The following GNG7 variants were observed in gnomAD, a reference collection of about 807,000 sequenced individuals.
GNG7 encodes G protein subunit gamma 7.
GNG7 carries 1 observed loss-of-function variant against 4.0 expected under a neutral mutation model. That is an observed-to-expected ratio of 0.25 (90% confidence interval 0.09 to 1.18). The LOEUF is 1.18. Ranked by LOEUF, GNG7 falls within the 50% of genes most tolerant of loss-of-function variation. The pLI is 0.50. For missense variants in GNG7, 86 were observed against 91.9 expected (o/e 0.94, Z 0.26); for synonymous variants, 34 against 36.9 (o/e 0.92, Z 0.29).
At chr19:2,608,971 A>T (rs752834160) in intron 2 of GNG7, among the ~76,000 whole-genome samples, 15 of 152,166 alleles carry the variant, frequency 9.9e-5, no homozygotes, top group Non-Finnish European at 1.9e-4. Flanking sequence ...ACACATTCAC[A>T]ACGTTGTACA....
chr19:2,543,742 C>T (rs1391096818), intron 3 of GNG7, among the ~76,000 whole-genome samples: 1 of 152,194 alleles, frequency 6.6e-6, no homozygotes. Context: ...CAGGCAGCTC[C>T]ACAATGAGGC....
chr19:2,605,947 C>G (rs1363375298), intron 2 of GNG7, among the ~76,000 whole-genome samples: 1 of 152,196 alleles, frequency 6.6e-6, no homozygotes, highest in African/African-American at 2.4e-5. Context: ...TTCACAGGTT[C>G]CAGACATTTA....
In GNG7 at chr19:2,696,424, GGAAA is replaced by G. The variant is rs371764443; in HGVS notation, c.-135+6218_-135+6221del. Among the ~76,000 whole-genome samples, 271 of 146,682 alleles carry G rather than the reference GGAAA, an allele frequency of 1.8e-3. 3 individuals carry two copies. The highest frequency in any genetic ancestry group is 4.8e-3 in the African/African-American group (185 of 38,826). On this transcript the variant is annotated intron_variant, in intron 1 of 4. Coordinates refer to ENST00000382159, the MANE Select transcript of GNG7 (RefSeq NM_052847.3). Reference sequence around the variant, plus strand: ...GACGAAGGAAGAAGGAAGGAAGGAAGGAAAGAAAGAAAGAAAGAGAAAGAAAGAA... The same window carrying G: ...GACGAAGGAAGAAGGAAGGAAGGAAGGAAAGAAAGAAAGAGAAAGAAAGAA...
chr19:2,686,517 C>T (rs1429177944), intron 1 of GNG7, among the ~76,000 whole-genome samples: 1 of 152,132 alleles, frequency 6.6e-6, no homozygotes, highest in Non-Finnish European at 1.5e-5. Context: ...CACCCCGGCC[C>T]GGTGCCTGCT....
chr19:2,700,390 G>A (rs1232942007), intron 1 of GNG7, among the ~76,000 whole-genome samples: 2 of 152,132 alleles, frequency 1.3e-5, no homozygotes, highest in African/African-American at 4.8e-5. Context: ...TGATCCACCC[G>A]CCTCGGCCTC....
chr19:2,523,353 G>A (rs1978319846), intron 3 of GNG7, among the ~76,000 whole-genome samples: 1 of 151,628 alleles, frequency 6.6e-6, no homozygotes, highest in Non-Finnish European at 1.5e-5. Flanking sequence ...GGAGTTTGAG[G>A]CCAGCCTAGG....
rs191314345 is a variant in GNG7 at position 2,640,524 on chromosome 19, G to A, written c.-78+5700C>T. On this transcript the variant is annotated intron_variant, in intron 2 of 4. Transcript: ENST00000382159. ...AAATCTACAGGTGAATGTAATTCACGAAAATCCCAGCACAGGCTTGGCAAG... is the reference window on the plus strand; with the variant it reads ...AAATCTACAGGTGAATGTAATTCACAAAAATCCCAGCACAGGCTTGGCAAG... 6.6e-5 allele frequency among the ~76,000 whole-genome samples: 10 copies of A among 152,290 alleles called. No individual in the cohort carries two copies. The East Asian group carries it at 1.9e-3, about 29-fold the overall frequency.
chr19:2,633,885 C>T lies in GNG7; in HGVS notation c.-78+12339G>A, dbSNP rs1295968074. 6.6e-6 allele frequency among the ~76,000 whole-genome samples: 1 copy of T among 151,166 alleles called. No homozygotes were observed. On this transcript the variant is annotated intron_variant, in intron 2 of 4. Coordinates refer to ENST00000382159, the MANE Select transcript of GNG7 (RefSeq NM_052847.3). The surrounding 1 kb of genome is among the most constrained non-coding windows in gnomAD (Gnocchi z 5.9). ...CCGGGCACTGCAGGGTGCTGAGTGG[C>T]ACCCCTGACCTCCACCCCATGGCAT... is the stretch of plus-strand genomic sequence containing the variant.
At chr19:2,524,760 C>A (rs575643362) in intron 3 of GNG7, among the ~76,000 whole-genome samples, 1 of 152,192 alleles carries the variant, frequency 6.6e-6, no homozygotes, top group South Asian at 2.1e-4. Context: ...GTGGACACGG[C>A]ACTGCATGTG....
intron 2 of GNG7, among the ~76,000 whole-genome samples, chr19:2,622,634 G>A (rs928097677): frequency 7.2e-6 from 1 of 139,700 alleles, no homozygotes; most frequent in Admixed American, 7.0e-5. Flanking sequence ...ACGCGGCAGA[G>A]AGGGGGGCTT....
rs8102960 is a variant in GNG7, at chr19:2,696,563, C to G, written c.-135+6083G>C. The stretch of plus-strand genomic sequence containing the variant: ...TTGCCCAAAGGCAAAAGCGGCCGAG[C>G]GTGTGTTGCTGAATGGATGGATGAG... On this transcript the variant is annotated intron_variant, in intron 1 of 4. Transcript: ENST00000382159. 5.3e-5 allele frequency among the ~76,000 whole-genome samples: 8 copies of G among 152,318 alleles called. No individual in the cohort carries two copies. In the East Asian group the frequency reaches 1.5e-3, roughly 29 times the overall value.
intron 2 of GNG7, among the ~76,000 whole-genome samples, chr19:2,602,565 C>T (rs957817834): frequency 5.9e-5 from 9 of 152,266 alleles, no homozygotes; most frequent in Non-Finnish European, 1.2e-4. Context: ...TCTGTGGCCT[C>T]GCACAGGCGG....
intron 2 of GNG7, among the ~76,000 whole-genome samples, chr19:2,555,420 C>T (rs1979513230): frequency 1.3e-5 from 2 of 152,290 alleles, no homozygotes; most frequent in South Asian, 4.1e-4. Context: ...TGCTGGACAA[C>T]AGGGCAAATT....
chr19:2,669,717 G>A lies in GNG7; in HGVS notation c.-134-23437C>T, dbSNP rs531521947. On this transcript the variant is annotated intron_variant, in intron 1 of 4. Coordinates refer to ENST00000382159, the MANE Select transcript of GNG7 (RefSeq NM_052847.3). ...TTACTCTCTGGCTCTTTACAGAAGA[G>A]GTCTGTTGATGGCTGGGTGCAGCGG... Among the ~76,000 whole-genome samples the A allele has an allele frequency of 7.9e-5, 12 of 152,118 alleles. No individual in the cohort carries two copies. In the East Asian group the frequency reaches 2.3e-3, roughly 30 times the overall value.
At chr19:2,625,723 C>T (rs904648153) in intron 2 of GNG7, among the ~76,000 whole-genome samples, 12 of 152,144 alleles carry the variant, frequency 7.9e-5, no homozygotes, top group African/African-American at 2.9e-4. Context: ...GCAGGTAGCG[C>T]CCTCACCGTG....
intron 2 of GNG7, among the ~76,000 whole-genome samples, chr19:2,566,290 A>G (rs938136465): frequency 6.6e-6 from 1 of 152,180 alleles, no homozygotes. Context: ...TCACTTCCAC[A>G]AGCCAGGGAA....
At chr19:2,657,356 AAAAAAATATATATAT>A (rs1215411321) in intron 1 of GNG7, among the ~76,000 whole-genome samples, 4 of 22,682 alleles carry the variant, frequency 1.8e-4, no homozygotes, top group Admixed American at 7.9e-4. Context: ...AAAAAAAAAA[AAAAAAATATATATAT>A]ATATATATAT....
At chr19:2,690,808 G>T (rs758191022) in intron 1 of GNG7, among the ~76,000 whole-genome samples, 2 of 152,094 alleles carry the variant, frequency 1.3e-5, no homozygotes, top group Non-Finnish European at 2.9e-5. Context: ...TGGCCAGGCT[G>T]GTCTCGAACT....
At chr19:2,665,223 T>C (rs2144883060) in intron 1 of GNG7, among the ~76,000 whole-genome samples, 1 of 152,298 alleles carries the variant, frequency 6.6e-6, no homozygotes, top group South Asian at 2.1e-4. Flanking sequence ...ACACTGGGGC[T>C]GTACCATTCT....
Sources: allele counts gnomAD v4.1 joint callset (sites outside exome capture counted in the v4.1 genomes callset), GRCh38; gene constraint gnomAD v4.1.1; non-coding constraint Gnocchi (gnomAD v3.1); transcripts MANE v1.5; gene names NCBI Gene and HGNC (gene_info 2026-07-23, HGNC 2026-07-21).